Variants in AOPEP observed in about 807,000 individuals in gnomAD.
AOPEP encodes the protein aminopeptidase O.
In AOPEP, 77 loss-of-function variants were observed where a neutral mutation model predicts 98.1. The observed-to-expected ratio is 0.78, with a 90% CI of 0.65 to 0.95. The LOEUF (loss-of-function observed/expected upper bound fraction) is 0.95, where lower values mean the gene tolerates loss of function less well. Among genes scored for constraint, AOPEP ranks in the 40% least tolerant of loss-of-function variants. The pLI is 0.00. For synonymous variants in AOPEP, 346 were observed against 365.3 expected (o/e 0.95, Z 0.60); for missense variants, 1,024 against 1,024.7 (o/e 1.00, Z 0.01).
chr9:94,743,239 G>A (rs1564052192), intron 1 of AOPEP, among the ~76,000 whole-genome samples: 1 of 151,538 alleles, frequency 6.6e-6, no homozygotes, highest in African/African-American at 2.4e-5. Context: ...AGAGGAAGAA[G>A]AAGAGGAAGA....
At chr9:94,991,331 T>C (rs1259600337) in intron 11 of AOPEP, among the ~76,000 whole-genome samples, 2 of 152,212 alleles carry the variant, frequency 1.3e-5, no homozygotes, top group Non-Finnish European at 2.9e-5. Flanking sequence ...TGCTGCTTCA[T>C]GGTTAAATAT....
At chr9:94,942,944 C>G (rs1384038889) in intron 7 of AOPEP, among the ~76,000 whole-genome samples, 2 of 144,274 alleles carry the variant, frequency 1.4e-5, no homozygotes, top group East Asian at 4.0e-4. Context: ...ACAGTAGCAT[C>G]AAAGATAATA....
At chr9:95,111,011 A>C in the AOPEP span, 2 of 1,436,140 alleles carry the variant, frequency 1.4e-6, no homozygotes, top group East Asian at 5.0e-5. Flanking sequence ...GGATCTGTTG[A>C]CTGATCCAAG....
chr9:95,093,949 G>A, the AOPEP span, among the ~76,000 whole-genome samples: 1 of 152,222 alleles, frequency 6.6e-6, no homozygotes, highest in Non-Finnish European at 1.5e-5. Flanking sequence ...TGACTTTGTT[G>A]GGTCAGTGTG....
intron 1 of AOPEP, among the ~76,000 whole-genome samples, chr9:94,729,856 A>C (rs1830109760): frequency 6.6e-6 from 1 of 152,186 alleles, no homozygotes; most frequent in South Asian, 2.1e-4. Flanking sequence ...GAAAATGTTA[A>C]AGCTAAGGGA....
downstream of AOPEP, among the ~76,000 whole-genome samples, chr9:95,091,619 TTGC>T (rs912802165): frequency 6.6e-5 from 10 of 152,136 alleles, no homozygotes; most frequent in African/African-American, 2.4e-4. Context: ...GACCTTGGCC[TTGC>T]TGCTTGGGCT....
chr9:94,781,131 T>G (rs1233069719), intron 3 of AOPEP, among the ~76,000 whole-genome samples: 1 of 152,138 alleles, frequency 6.6e-6, no homozygotes, highest in African/African-American at 2.4e-5. Flanking sequence ...AGGCCATAGA[T>G]TTAGATTAAC....
At chr9:95,020,607 A>G (rs572451826) in intron 13 of AOPEP, among the ~76,000 whole-genome samples, 8 of 151,690 alleles carry the variant, frequency 5.3e-5, no homozygotes, top group Non-Finnish European at 8.8e-5. Flanking sequence ...ACATGACAGT[A>G]TTATTTAAAA....
chr9:95,118,588 C>T, the AOPEP span, among the ~76,000 whole-genome samples: 2 of 152,238 alleles, frequency 1.3e-5, no homozygotes, highest in Non-Finnish European at 2.9e-5. Flanking sequence ...CCACCCCACC[C>T]TGGCAACCAA....
chr9:94,771,624 G>C (rs1840896456), intron 2 of AOPEP, among the ~76,000 whole-genome samples: 1 of 152,170 alleles, frequency 6.6e-6, no homozygotes. Flanking sequence ...ACTGGTGGAA[G>C]ATTTGAAAGC....
At chr9:95,109,185 T>C in the AOPEP span, among the ~76,000 whole-genome samples, 1 of 152,164 alleles carries the variant, frequency 6.6e-6, no homozygotes, top group African/African-American at 2.4e-5. Flanking sequence ...GTGCTGAGAT[T>C]ACAGGCATGA....
rs562115660 is a variant in AOPEP at position 94,838,991 on chromosome 9, A to G, written c.1364+37989A>G. Among the ~76,000 whole-genome samples, 427 of 147,638 alleles carry G rather than the reference A, an allele frequency of 2.9e-3. 2 individuals are homozygous for G. The highest frequency in any genetic ancestry group is 4.9e-3 in the Non-Finnish European group (332 of 67,442). ...AGTGGCGCAATCTCGGCTCACTGCA[A>G]CCGCTGCCTCCTGGGTTCAAGCTGT... On this transcript the variant is annotated intron_variant, in intron 5 of 16. Coordinates refer to ENST00000375315, the MANE Select transcript of AOPEP (RefSeq NM_001193329.3).
intron 12 of AOPEP, 27 bp downstream of exon 12, chr9:95,005,247 G>T (rs2061902171): frequency 1.9e-6 from 2 of 1,073,298 alleles, no homozygotes; most frequent in Middle Eastern, 4.0e-4. Flanking sequence ...CGGTCCCTGC[G>T]CCCCGGTGGC....
intron 10 of AOPEP, among the ~76,000 whole-genome samples, chr9:94,970,266 G>A (rs1011021707): frequency 4.6e-5 from 7 of 151,998 alleles, no homozygotes; most frequent in African/African-American, 1.7e-4. Context: ...CAGGGCAGCC[G>A]GGACATCAGT....
At chr9:94,913,817 A>G (rs763859981) in intron 5 of AOPEP, among the ~76,000 whole-genome samples, 3 of 152,234 alleles carry the variant, frequency 2.0e-5, no homozygotes, top group Admixed American at 6.5e-5. Flanking sequence ...CAAACATGCC[A>G]GTTGTTTGCT....
intron 2 of AOPEP, chr9:94,763,294 A>T (rs1838799659): frequency 4.4e-6 from 1 of 228,714 alleles, no homozygotes; most frequent in Middle Eastern, 2.2e-3. Flanking sequence ...TTCTTTTTTT[A>T]AATTAGACAA....
chr9:94,832,901 T>A (rs1315667905), intron 5 of AOPEP, among the ~76,000 whole-genome samples: 2 of 152,022 alleles, frequency 1.3e-5, no homozygotes, highest in Non-Finnish European at 2.9e-5. Flanking sequence ...AGAGTTAGAC[T>A]TCTCCTCAGT....
chr9:95,139,336 G>A, the AOPEP span, among the ~76,000 whole-genome samples: 2 of 152,198 alleles, frequency 1.3e-5, no homozygotes, highest in African/African-American at 4.8e-5. Flanking sequence ...CAGGCAGGCA[G>A]GCACTGGCTT....
the AOPEP span, among the ~76,000 whole-genome samples, chr9:95,096,802 C>T: frequency 2.2e-4 from 34 of 152,332 alleles, no homozygotes; most frequent in African/African-American, 6.7e-4. Flanking sequence ...GTGCGTGGTA[C>T]GCTTCACTTT....
Sources: allele counts gnomAD v4.1 joint callset (sites outside exome capture counted in the v4.1 genomes callset), GRCh38; gene constraint gnomAD v4.1.1; transcripts MANE v1.5; gene names NCBI Gene and HGNC (gene_info 2026-07-23, HGNC 2026-07-21).